WDPCP: variants seen among roughly 807,000 people sequenced by gnomAD.
WDPCP encodes WD repeat-containing and planar cell polarity effector protein fritz homolog.
Under a neutral mutation model 93.1 loss-of-function variants are expected in WDPCP, and 71 were observed. The observed-to-expected ratio is 0.76, with a 90% CI of 0.63 to 0.93. The LOEUF is 0.93. Ranked by LOEUF, WDPCP falls within the 40% of genes least tolerant of loss-of-function variation. The probability of loss-of-function intolerance (pLI) is 0.00; values close to 1 mark genes in which losing one functional copy is unlikely to be tolerated. For synonymous variants in WDPCP, 315 were observed against 315.0 expected, an observed-to-expected ratio of 1.00 and a Z score of 0.00; for missense variants, 844 against 887.4, an observed-to-expected ratio of 0.95 and a Z score of 0.62.
At chr2:63,424,242 G>C (rs937539655) in intron 9 of WDPCP, among the ~76,000 whole-genome samples, 14 of 150,452 alleles carry the variant, frequency 9.3e-5, no homozygotes, top group Non-Finnish European at 1.9e-4. Flanking sequence ...GGAGGCGCGC[G>C]GTGTGTGTTG....
intron 12 of WDPCP, among the ~76,000 whole-genome samples, chr2:63,314,415 C>A (rs1192216050): frequency 8.5e-5 from 13 of 152,104 alleles, no homozygotes; most frequent in Non-Finnish European, 1.9e-4. Context: ...AGCAAACCAC[C>A]CACTTCAGCG....
chr2:63,574,486 C>G (rs1408508231), intron 1 of WDPCP, among the ~76,000 whole-genome samples: 1 of 152,120 alleles, frequency 6.6e-6, no homozygotes, highest in Non-Finnish European at 1.5e-5. Context: ...CAGTTTTTAA[C>G]CAATCAATTT....
At chr2:63,343,542 C>T (rs1688995574) in intron 12 of WDPCP, among the ~76,000 whole-genome samples, 1 of 152,062 alleles carries the variant, frequency 6.6e-6, no homozygotes, top group African/African-American at 2.4e-5. Flanking sequence ...GTTGATTCTG[C>T]TTGAATTTTG....
intron 17 of WDPCP, among the ~76,000 whole-genome samples, chr2:63,152,195 A>G (rs1671930073): frequency 6.6e-6 from 1 of 151,958 alleles, no homozygotes; most frequent in Non-Finnish European, 1.5e-5. Context: ...TCAAACATAT[A>G]CCAAAGAGAG....
intron 13 of WDPCP, among the ~76,000 whole-genome samples, chr2:63,280,442 G>A (rs373073703): frequency 3.3e-5 from 5 of 152,232 alleles, no homozygotes; most frequent in South Asian, 2.1e-4. Context: ...CCCACAACAC[G>A]TGGGAATTCT....
intron 14 of WDPCP, among the ~76,000 whole-genome samples, chr2:63,227,810 A>C (rs577339353): frequency 6.6e-6 from 1 of 152,128 alleles, no homozygotes. Flanking sequence ...ATTGGTTCCT[A>C]TATTCCCTAA....
At chr2:63,489,319 G>C (rs567396590) in intron 2 of WDPCP, among the ~76,000 whole-genome samples, 2 of 152,228 alleles carry the variant, frequency 1.3e-5, no homozygotes, top group Non-Finnish European at 1.5e-5. Context: ...ATAGGAATGA[G>C]ATGTACCAAT....
At chr2:63,619,837 G>A (rs1709713009) in intron 3 of WDPCP, among the ~76,000 whole-genome samples, 1 of 152,168 alleles carries the variant, frequency 6.6e-6, no homozygotes, top group African/African-American at 2.4e-5. Flanking sequence ...CATCTCATTG[G>A]GACTGGTTAG....
intron 15 of WDPCP, among the ~76,000 whole-genome samples, chr2:63,158,532 A>G (rs918300615): frequency 2.0e-5 from 3 of 152,078 alleles, no homozygotes; most frequent in African/African-American, 7.2e-5. Context: ...AAGAACTTTT[A>G]GTAATTCTTT....
intron 14 of WDPCP, among the ~76,000 whole-genome samples, chr2:63,256,368 C>A (rs548854384): frequency 2.6e-5 from 4 of 152,182 alleles, no homozygotes; most frequent in South Asian, 4.1e-4. Flanking sequence ...CCAGAAACAG[C>A]CTATATATTA....
At chr2:63,747,872 G>A (rs1669822331) in intron 2 of WDPCP, among the ~76,000 whole-genome samples, 1 of 151,984 alleles carries the variant, frequency 6.6e-6, no homozygotes, top group Non-Finnish European at 1.5e-5. Context: ...AGGGACAACA[G>A]ATATCTTTAT....
chr2:63,494,441 A>AAT (rs1235993307), intron 1 of WDPCP, among the ~76,000 whole-genome samples: 2 of 152,136 alleles, frequency 1.3e-5, no homozygotes, highest in Non-Finnish European at 2.9e-5. Context: ...TCTTTGAGGT[A>AAT]ATACCATCAG....
At chr2:63,246,679 ATTACG>A (rs953660543) in intron 14 of WDPCP, among the ~76,000 whole-genome samples, 1 of 152,154 alleles carries the variant, frequency 6.6e-6, no homozygotes, top group African/African-American at 2.4e-5. Flanking sequence ...CTGGCCTGTG[ATTACG>A]TTAACTGATG....
At chr2:63,235,723 C>G (rs1679330061) in intron 14 of WDPCP, among the ~76,000 whole-genome samples, 1 of 152,010 alleles carries the variant, frequency 6.6e-6, no homozygotes, top group African/African-American at 2.4e-5. Flanking sequence ...TGATTCACCA[C>G]ATAAACAGAA....
chr2:63,382,868 T>A (rs1692428041), intron 10 of WDPCP, among the ~76,000 whole-genome samples: 1 of 152,174 alleles, frequency 6.6e-6, no homozygotes, highest in Admixed American at 6.5e-5. Flanking sequence ...ATTCCTTTTG[T>A]GTTGGTAAAA....
chr2:63,387,598 G>A (rs1692847867), intron 10 of WDPCP, among the ~76,000 whole-genome samples: 1 of 152,052 alleles, frequency 6.6e-6, no homozygotes, highest in Non-Finnish European at 1.5e-5. Flanking sequence ...CACCATTCCT[G>A]TTCAATATAG....
At chr2:63,152,060 G>T (rs1671922047) in intron 17 of WDPCP, among the ~76,000 whole-genome samples, 1 of 151,996 alleles carries the variant, frequency 6.6e-6, no homozygotes, top group Non-Finnish European at 1.5e-5. Flanking sequence ...GAAGGGTTCA[G>T]AACTACCTGT....
chr2:63,682,704 G>A (rs1668738177), intron 2 of WDPCP, among the ~76,000 whole-genome samples: 1 of 151,850 alleles, frequency 6.6e-6, no homozygotes. Flanking sequence ...AGAACACCAA[G>A]CAGATTTAAG....
intron 12 of WDPCP, among the ~76,000 whole-genome samples, chr2:63,366,413 A>G (rs931189536): frequency 2.0e-5 from 3 of 152,048 alleles, no homozygotes; most frequent in African/African-American, 7.2e-5. Flanking sequence ...GCAATAATGA[A>G]AAAAAGGTTG....
Sources: allele counts gnomAD v4.1 joint callset (sites outside exome capture counted in the v4.1 genomes callset), GRCh38; gene constraint gnomAD v4.1.1; transcripts MANE v1.5; gene names NCBI Gene and HGNC (gene_info 2026-07-23, HGNC 2026-07-21).